Variants in BAZ1A observed in about 807,000 individuals in gnomAD.
BAZ1A encodes the protein bromodomain adjacent to zinc finger domain protein 1A.
Under a neutral mutation model 185.2 loss-of-function variants are expected in BAZ1A, and 50 were observed. That is an observed-to-expected ratio of 0.27 (90% CI 0.22 to 0.34). BAZ1A has a LOEUF of 0.34. BAZ1A is among the 10% of genes least tolerant of loss of function. The probability of loss-of-function intolerance (pLI) is 1.00; values close to 1 mark genes in which losing one functional copy is unlikely to be tolerated. For missense variants in BAZ1A, 1,356 were observed against 1,839.9 expected, an observed-to-expected ratio of 0.74 and a Z score of 4.81; for synonymous variants, 571 against 615.6, an observed-to-expected ratio of 0.93 and a Z score of 1.07.
chr14:34,782,946 A>C (rs1269157717), intron 16 of BAZ1A, among the ~76,000 whole-genome samples, 173 bp downstream of exon 16: 1 of 152,228 alleles, frequency 6.6e-6, no homozygotes. Context: ...GAGGGGACAG[A>C]TAAATATATT....
chr14:34,784,540 C>T (rs541049915), intron 14 of BAZ1A, among the ~76,000 whole-genome samples: 123 of 151,546 alleles, frequency 8.1e-4, no homozygotes, highest in Non-Finnish European at 5.2e-4. Flanking sequence ...TTTTTTGAGA[C>T]GGAGTCTCGC....
intron 4 of BAZ1A, among the ~76,000 whole-genome samples, chr14:34,825,325 T>C (rs2042150409): frequency 6.6e-6 from 1 of 151,540 alleles, no homozygotes; most frequent in Non-Finnish European, 1.5e-5. Flanking sequence ...TGGTGGTGCA[T>C]GCCTGTAATC....
At position 34,868,533 on chromosome 14, in the gene BAZ1A, G is replaced by A. The variant is rs769756037; in HGVS notation, c.113+5959C>T. Among the ~76,000 whole-genome samples the A allele has an allele frequency of 4.6e-5, 7 of 152,162 alleles. No individual in the cohort carries two copies. The South Asian group carries it at 6.2e-4, about 13-fold the overall frequency. ...AAAATCAGAAACTAGGCCGGGTGCC[G>A]TGACTCACGCCTGTAATCCCAGCAC... On this transcript the variant is annotated intron_variant, in intron 2 of 26. Coordinates refer to ENST00000360310, the MANE Select transcript of BAZ1A (RefSeq NM_013448.3).
chr14:34,810,646 G>C (rs977059486), intron 5 of BAZ1A, among the ~76,000 whole-genome samples: 1 of 151,416 alleles, frequency 6.6e-6, no homozygotes, highest in East Asian at 1.9e-4. Context: ...TTTTAATAGA[G>C]ACAGGGTCTT....
At chr14:34,833,246 T>G (rs905519872) in intron 3 of BAZ1A, among the ~76,000 whole-genome samples, 1 of 151,492 alleles carries the variant, frequency 6.6e-6, no homozygotes, top group Non-Finnish European at 1.5e-5. Flanking sequence ...ACCCCAAGCT[T>G]GGCTGGGTGT....
rs1386749171 is a variant in BAZ1A at position 34,874,573 on chromosome 14, C to G, written c.32G>C (p.Arg11Thr). The G allele has an allele frequency of 6.2e-7, 1 of 1,611,214 alleles. No homozygotes were observed. Among genetic ancestry groups the G allele is most frequent in the South Asian group, 1.1e-5 (1 of 90,984 alleles). The change falls in exon 2 of 27, where the codon AGA becomes ACA. Residue 11 changes from arginine (R) to threonine (T), a missense_variant. By Grantham distance (71) the Arg-to-Thr change is moderately conservative. Transcript: ENST00000360310. This position sits in a 1 kb window ranked among gnomAD's most constrained non-coding sequence, Gnocchi z 4.7. ...CCGCAGGTCCGCGGGCGGCTTCTGT[C>G]TCACAAACGGCTTTCGGTGTAGCAG... MPLLHRKPFV[R>T]QKPPADLRPD...
intron 24 of BAZ1A, among the ~76,000 whole-genome samples, chr14:34,759,355 T>C (rs1886425944): frequency 6.6e-6 from 1 of 151,664 alleles, no homozygotes; most frequent in Non-Finnish European, 1.5e-5. Context: ...TAATTTTGTT[T>C]TGTATTTTTA....
intron 9 of BAZ1A, among the ~76,000 whole-genome samples, chr14:34,799,263 T>C (rs1328705267): frequency 6.8e-6 from 1 of 147,776 alleles, no homozygotes; most frequent in Non-Finnish European, 1.5e-5. Context: ...AGGGATAGCA[T>C]TAAGAGAAAT....
chr14:34,782,356 T>C (rs1163948198), intron 16 of BAZ1A, among the ~76,000 whole-genome samples: 1 of 152,222 alleles, frequency 6.6e-6, no homozygotes, highest in Non-Finnish European at 1.5e-5. Flanking sequence ...TTATTGCATA[T>C]CTTCTTTGGA....
In BAZ1A at chr14:34,785,836, A is replaced by G; in HGVS notation, c.1772T>C (p.Leu591Ser). ...TTTCTTCACTAGACTGGGATTGCTC[A>G]AACGAAGCTCCATACAAGCATCATC... is the stretch of plus-strand genomic sequence containing the variant. ...ATDDACMELRLSNPSLVKKLS... is the reference protein window; with the variant it reads ...ATDDACMELRSSNPSLVKKLS... Residue 591 changes from leucine (L) to serine (S), a missense_variant, in exon 14 of 27, where the codon TTG becomes TCG. Around this residue, in one of 7 missense-constraint regions of BAZ1A, gnomAD observed 184 missense variants for 355.1 expected, o/e 0.52. Transcript: ENST00000360310. The G allele has an allele frequency of 6.2e-7, 1 of 1,614,068 alleles. No homozygotes were observed. Among genetic ancestry groups the G allele is most frequent in the Non-Finnish European group, 8.5e-7 (1 of 1,180,018 alleles).
chr14:34,825,551 A>G (rs2042154858), intron 4 of BAZ1A, among the ~76,000 whole-genome samples: 1 of 151,648 alleles, frequency 6.6e-6, no homozygotes, highest in African/African-American at 2.4e-5. Context: ...GAAAATTTCA[A>G]TTTTGAAAAT....
intron 6 of BAZ1A, 23 bp from the exon 7 acceptor site, chr14:34,803,011 G>T: frequency 6.3e-7 from 1 of 1,589,090 alleles, no homozygotes; most frequent in Non-Finnish European, 8.6e-7. Context: ...AAGACATAGG[G>T]TACAATAATA....
At chr14:34,825,875 T>A (rs951893179) in intron 4 of BAZ1A, 138 bp downstream of exon 4, 2 of 768,752 alleles carry the variant, frequency 2.6e-6, no homozygotes, top group South Asian at 4.3e-5. Context: ...GAGGTGGAAG[T>A]TGCAGTGAGC....
chr14:34,760,713 TTGG>T (rs1383197156), intron 24 of BAZ1A, among the ~76,000 whole-genome samples: 1 of 151,702 alleles, frequency 6.6e-6, no homozygotes, highest in East Asian at 2.0e-4. Flanking sequence ...GTTAGTCAGC[TTGG>T]TGGTGCATTC....
Position 34,761,979 on chromosome 14 carries a change from C to T in BAZ1A, c.4021G>A (p.Gly1341Ser). 6.2e-7 allele frequency: 1 copy of T among 1,614,154 alleles called. No individual in the cohort carries two copies. ...ACAAATACATCTGCTTGCAGTGGGC[C>T]ATGACTGTGGCGAGTAGAACGACTG... ...IASRSTRHSH[G>S]PLQADVFVEL... Residue 1341 changes from glycine to serine, a missense_variant, in exon 24 of 27, where the codon GGC becomes AGC. Around this residue, in one of 7 missense-constraint regions of BAZ1A, gnomAD observed 309 missense variants for 355.3 expected, o/e 0.87. Coordinates refer to ENST00000360310, the MANE Select transcript of BAZ1A (RefSeq NM_013448.3).
intron 4 of BAZ1A, among the ~76,000 whole-genome samples, chr14:34,823,192 A>G (rs1362257779): frequency 3.3e-5 from 5 of 151,946 alleles, no homozygotes; most frequent in Non-Finnish European, 7.4e-5. Flanking sequence ...ACTCTCTACT[A>G]AAAAATATAA....
chr14:34,794,097 A>C (rs1594847488), intron 11 of BAZ1A, among the ~76,000 whole-genome samples: 2 of 152,036 alleles, frequency 1.3e-5, no homozygotes, highest in South Asian at 4.1e-4. Context: ...GCGCCACTGC[A>C]CTCTAGCCTA....
At chr14:34,825,330 G>A (rs748731050) in intron 4 of BAZ1A, among the ~76,000 whole-genome samples, 2 of 151,344 alleles carry the variant, frequency 1.3e-5, no homozygotes, top group Non-Finnish European at 2.9e-5. Context: ...GTGCATGCCT[G>A]TAATCCCAGC....
At chr14:34,851,863 C>T (rs1010265443) in intron 3 of BAZ1A, among the ~76,000 whole-genome samples, 30 of 151,636 alleles carry the variant, frequency 2.0e-4, no homozygotes, top group African/African-American at 6.8e-4. Flanking sequence ...CGTGGTGGCT[C>T]ATGCCTGTAA....
Sources: allele counts gnomAD v4.1 joint callset (sites outside exome capture counted in the v4.1 genomes callset), GRCh38; gene constraint gnomAD v4.1.1; regional missense constraint gnomAD v4.1.1; non-coding constraint Gnocchi (gnomAD v3.1); transcripts MANE v1.5; gene names NCBI Gene and HGNC (gene_info 2026-07-23, HGNC 2026-07-21).